PRKCA: variants seen among roughly 807,000 people sequenced by gnomAD.
PRKCA encodes protein kinase C alpha type.
PRKCA carries 27 observed loss-of-function variants against 87.0 expected under a neutral mutation model. The ratio of observed to expected loss-of-function variants is 0.31; its 90% confidence interval spans 0.23 to 0.43. The LOEUF (loss-of-function observed/expected upper bound fraction) is 0.43, where lower values mean the gene tolerates loss of function less well. Among genes scored for constraint, PRKCA ranks in the 20% least tolerant of loss-of-function variants. The pLI is 1.00. For missense variants in PRKCA, 518 were observed against 852.3 expected (o/e 0.61, Z 4.88); for synonymous variants, 329 against 311.1 (o/e 1.06, Z -0.61).
At chr17:66,554,579 G>A in intron 3 of PRKCA, 1 of 926,576 alleles carries the variant, frequency 1.1e-6, no homozygotes, top group Non-Finnish European at 1.3e-6. Flanking sequence ...ACTCTCCGAA[G>A]GTAAGGTGGG....
chr17:66,618,771 C>T (rs1440180804), intron 3 of PRKCA, among the ~76,000 whole-genome samples: 1 of 152,200 alleles, frequency 6.6e-6, no homozygotes, highest in Non-Finnish European at 1.5e-5. Context: ...CAGGGTTAGG[C>T]TGGGAACATA....
At chr17:66,659,666 C>G (rs1005120768) in intron 5 of PRKCA, among the ~76,000 whole-genome samples, 1 of 151,722 alleles carries the variant, frequency 6.6e-6, no homozygotes, top group Non-Finnish European at 1.5e-5. Flanking sequence ...GGAGGATTAC[C>G]TGAGCCCAGG....
At chr17:66,797,691 A>G (rs1356728301) in intron 16 of PRKCA, among the ~76,000 whole-genome samples, 1 of 152,160 alleles carries the variant, frequency 6.6e-6, no homozygotes, top group African/African-American at 2.4e-5. Flanking sequence ...CTCTGGCCAC[A>G]TCCTTCTCCC....
intron 8 of PRKCA, among the ~76,000 whole-genome samples, chr17:66,728,300 G>A (rs942596901): frequency 1.3e-5 from 2 of 152,188 alleles, no homozygotes; most frequent in African/African-American, 4.8e-5. Context: ...CTACCTCTCT[G>A]ATATGGACGT....
intron 2 of PRKCA, among the ~76,000 whole-genome samples, chr17:66,471,786 A>G (rs1179725091): frequency 6.6e-6 from 1 of 151,962 alleles, no homozygotes; most frequent in Admixed American, 6.6e-5. Context: ...CCTTCATCCC[A>G]TGCCTGCCTG....
chr17:66,439,094 C>G (rs949371231), intron 2 of PRKCA, among the ~76,000 whole-genome samples: 1 of 152,160 alleles, frequency 6.6e-6, no homozygotes, highest in African/African-American at 2.4e-5. Flanking sequence ...CTGTACTGAG[C>G]GCTTTATATT....
At chr17:66,490,585 G>GTT (rs200222990) in intron 2 of PRKCA, among the ~76,000 whole-genome samples, 1 of 150,512 alleles carries the variant, frequency 6.6e-6, no homozygotes, top group Non-Finnish European at 1.5e-5. Context: ...TTTTCTTTTT[G>GTT]TTTTTTTTGA....
intron 2 of PRKCA, among the ~76,000 whole-genome samples, chr17:66,455,286 C>T: frequency 6.6e-6 from 1 of 152,132 alleles, no homozygotes; most frequent in East Asian, 1.9e-4. Flanking sequence ...GTCGGCTCCC[C>T]ACACACTTCA....
intron 3 of PRKCA, among the ~76,000 whole-genome samples, chr17:66,637,305 G>T (rs1478853015): frequency 6.6e-6 from 1 of 152,178 alleles, no homozygotes; most frequent in African/African-American, 2.4e-5. Flanking sequence ...AGTGCCATTT[G>T]TTGATGCCTC....
At chr17:66,648,863 C>T (rs772356183) in intron 5 of PRKCA, among the ~76,000 whole-genome samples, 4 of 151,930 alleles carry the variant, frequency 2.6e-5, no homozygotes, top group African/African-American at 9.7e-5. Context: ...GAGGCCGAGG[C>T]GGGTGGATCG....
At chr17:66,523,287 C>T (rs749670246) in intron 3 of PRKCA, among the ~76,000 whole-genome samples, 4 of 152,126 alleles carry the variant, frequency 2.6e-5, no homozygotes, top group Non-Finnish European at 5.9e-5. Flanking sequence ...AGTTCCTCCC[C>T]GAAATTCAGG....
At chr17:66,607,571 A>G (rs1047485381) in intron 3 of PRKCA, among the ~76,000 whole-genome samples, 5 of 152,242 alleles carry the variant, frequency 3.3e-5, no homozygotes, top group African/African-American at 9.6e-5. Context: ...ATCCCAAAGA[A>G]TGTGCGTCAA....
At chr17:66,791,968 A>ATTTCAAAG (rs1298291029) in intron 16 of PRKCA, among the ~76,000 whole-genome samples, 1 of 152,166 alleles carries the variant, frequency 6.6e-6, no homozygotes, top group Non-Finnish European at 1.5e-5. Flanking sequence ...TCATTTTGTT[A>ATTTCAAAG]TTTCAAAGAG....
chr17:66,503,733 A>C (rs1283059400), intron 3 of PRKCA, among the ~76,000 whole-genome samples: 1 of 152,198 alleles, frequency 6.6e-6, no homozygotes, highest in Non-Finnish European at 1.5e-5. Flanking sequence ...CGATCAGATA[A>C]AAAAGGCTGC....
chr17:66,442,171 C>T (rs1264579855), intron 2 of PRKCA, among the ~76,000 whole-genome samples: 2 of 151,782 alleles, frequency 1.3e-5, no homozygotes, highest in Non-Finnish European at 2.9e-5. Context: ...AAGCGATTCT[C>T]CTGCCTCAGC....
At chr17:66,741,260 A>G (rs1974153178) in intron 11 of PRKCA, among the ~76,000 whole-genome samples, 2 of 152,238 alleles carry the variant, frequency 1.3e-5, no homozygotes, top group Admixed American at 1.3e-4. Context: ...TCCAGGGAGT[A>G]ATTGTATTGT....
At chr17:66,524,136 A>G (rs528768842) in intron 3 of PRKCA, among the ~76,000 whole-genome samples, 1 of 152,248 alleles carries the variant, frequency 6.6e-6, no homozygotes, top group South Asian at 2.1e-4. Context: ...GGATTAGACA[A>G]CTGCTAGGGT....
chr17:66,475,359 T>C (rs761026058), intron 2 of PRKCA, among the ~76,000 whole-genome samples: 1 of 152,150 alleles, frequency 6.6e-6, no homozygotes, highest in Non-Finnish European at 1.5e-5. Flanking sequence ...TTAATGTGTT[T>C]GTTAAAATGC....
chr17:66,803,134 G>A lies in PRKCA; in HGVS notation c.1855-739G>A, dbSNP rs1886695825. Reference sequence around the variant, plus strand: ...GTTCTGCCTGGAGTGGACCCTGGAGGAGAGGAACAGCCGAGACAGCAGGCC... The same window carrying A: ...GTTCTGCCTGGAGTGGACCCTGGAGAAGAGGAACAGCCGAGACAGCAGGCC... On this transcript the variant is annotated intron_variant, in intron 16 of 16. Transcript: ENST00000413366. This position sits in a 1 kb window ranked among gnomAD's most constrained non-coding sequence, Gnocchi z 4.4. Among the ~76,000 whole-genome samples, 2 of 152,276 alleles carry A rather than the reference G, an allele frequency of 1.3e-5. No homozygotes were observed. The highest frequency in any genetic ancestry group is 2.1e-4 in the South Asian group (1 of 4,826).
Sources: allele counts gnomAD v4.1 joint callset (sites outside exome capture counted in the v4.1 genomes callset), GRCh38; gene constraint gnomAD v4.1.1; non-coding constraint Gnocchi (gnomAD v3.1); transcripts MANE v1.5; gene names NCBI Gene and HGNC (gene_info 2026-07-23, HGNC 2026-07-21).